The following ARL11 variants were observed in gnomAD, a reference collection of about 807,000 sequenced individuals.
ARL11 encodes ADP-ribosylation factor-like protein 11.
For synonymous variants in ARL11, 91 were observed against 111.2 expected (o/e 0.82, Z 1.15); for missense variants, 239 against 250.6 (o/e 0.95, Z 0.31).
chr13:49,630,377 T>C, intron 1 of ARL11, 53 bp from the exon 2 acceptor site: 1 of 1,294,852 alleles, frequency 7.7e-7, no homozygotes, highest in Non-Finnish European at 1.1e-6. Flanking sequence ...AGGATGGATT[T>C]GTCTTCCTTC....
Position 49,631,115 on chromosome 13 carries a change from A to G in ARL11, c.*77A>G. 11 of 1,367,640 alleles carry G rather than the reference A, an allele frequency of 8.0e-6. No homozygotes were observed. Among genetic ancestry groups the G allele is most frequent in the Non-Finnish European group, 1.1e-5 (11 of 1,010,870 alleles). The allele number at this position is 1,367,640 out of a possible 1,614,324, so 84.7% of individuals were successfully genotyped here. On this transcript the variant is annotated 3_prime_UTR_variant, in exon 2 of 2. Coordinates refer to ENST00000282026, the MANE Select transcript of ARL11 (RefSeq NM_138450.6). Reference sequence around the variant, plus strand: ...TCCTTGAGAAATTTACGCTTAGTCTATCAAACAAGAAATGCTGGCTTGGCC... The same window carrying G: ...TCCTTGAGAAATTTACGCTTAGTCTGTCAAACAAGAAATGCTGGCTTGGCC...
At chr13:49,629,421 C>T (rs1964858144) in intron 1 of ARL11, among the ~76,000 whole-genome samples, 1 of 152,104 alleles carries the variant, frequency 6.6e-6, no homozygotes, top group Non-Finnish European at 1.5e-5. Flanking sequence ...TATAAATAGC[C>T]CCAGTCAGGC....
In ARL11 at chr13:49,633,521, T is replaced by C. The variant is rs9568291; in HGVS notation, c.*2483T>C. ...ATTTTGTGGTAGTGTGGAGGTGAAATAAAGAGAAAAGGGAACCTTGGAGCT... is the reference window on the plus strand; with the variant it reads ...ATTTTGTGGTAGTGTGGAGGTGAAACAAAGAGAAAAGGGAACCTTGGAGCT... On this transcript the variant is annotated 3_prime_UTR_variant, in exon 2 of 2. Transcript: ENST00000282026. 0.03 allele frequency: 4,914 copies of C among 166,470 alleles called. 162 individuals are homozygous for C. The highest frequency in any genetic ancestry group is 0.16 in the East Asian group (826 of 5,160). The allele number at this position is 166,470 out of a possible 1,614,324, so 10.3% of individuals were successfully genotyped here. A position where few individuals can be genotyped will look rare whatever the true frequency, so the allele number is the denominator to read the frequency against.
Position 49,630,774 on chromosome 13 carries a change from C to T in ARL11, c.327C>T (p.Asp109=), listed in dbSNP as rs1964876166. The change falls in exon 2 of 2, where the codon GAC becomes GAT. Residue 109 remains aspartate (D), a synonymous_variant. Transcript: ENST00000282026. ...CTGAGCTCACAGAAGTCCTGAACGACCCCAACATGGCTGGCGTCCCCTTCT... is the reference window on the plus strand; with the variant it reads ...CTGAGCTCACAGAAGTCCTGAACGATCCCAACATGGCTGGCGTCCCCTTCT... The part of the protein sequence containing the change: ...SAAELTEVLN[D]PNMAGVPFLV... 2 of 1,613,702 alleles carry T rather than the reference C, an allele frequency of 1.2e-6. No homozygotes were observed. Among genetic ancestry groups the T allele is most frequent in the Admixed American group, 3.3e-5 (2 of 59,984 alleles).
Position 49,631,702 on chromosome 13 carries a change from T to G in ARL11, c.*664T>G, listed in dbSNP as rs1189359338. ...CTGAAAATACAAAAATTAGGCATAG[T>G]GGTGCACGCCTGCAGTCCCAGCTAC... On this transcript the variant is annotated 3_prime_UTR_variant, in exon 2 of 2. Transcript: ENST00000282026. 1.8e-5 allele frequency: 3 copies of G among 165,510 alleles called. No homozygotes were observed. In the East Asian group the frequency reaches 5.8e-4, roughly 32 times the overall value. 10.3% of individuals were successfully genotyped at this position (165,510 alleles called of 1,614,324 possible). A position where few individuals can be genotyped will look rare whatever the true frequency, so the allele number is the denominator to read the frequency against.
Position 49,631,071 on chromosome 13 carries a change from A to G in ARL11, c.*33A>G, listed in dbSNP as rs1437963655. On this transcript the variant is annotated 3_prime_UTR_variant, in exon 2 of 2. Transcript: ENST00000282026. ...AGAGCAGCATATCTTTGCTCATACA[A>G]ACTAGAAGAACCAGCTGATCCTTGA... 2 of 1,483,500 alleles carry G rather than the reference A, an allele frequency of 1.3e-6. No individual in the cohort carries two copies. Among genetic ancestry groups the G allele is most frequent in the African/African-American group, 2.8e-5 (2 of 70,580 alleles). 91.9% of individuals were successfully genotyped at this position (1,483,500 alleles called of 1,614,324 possible).
intron 1 of ARL11, 43 bp from the exon 2 acceptor site, chr13:49,630,387 C>T: frequency 7.3e-7 from 1 of 1,362,406 alleles, no homozygotes; most frequent in Non-Finnish European, 1.0e-6. Flanking sequence ...TGTCTTCCTT[C>T]AGAAGACAGT....
At chr13:49,629,712 T>C (rs1415766433) in intron 1 of ARL11, among the ~76,000 whole-genome samples, 2 of 152,234 alleles carry the variant, frequency 1.3e-5, no homozygotes, top group Non-Finnish European at 2.9e-5. Flanking sequence ...AATTACAATC[T>C]ATGATTTTGT....
At chr13:49,630,407 G>A (rs1964869256) in intron 1 of ARL11, 23 bp from the exon 2 acceptor site, 2 of 1,502,332 alleles carry the variant, frequency 1.3e-6, no homozygotes, top group Non-Finnish European at 1.8e-6. Flanking sequence ...TAGCTGATGT[G>A]TGCCCTGGCC....
Position 49,630,845 on chromosome 13 carries a change from T to C in ARL11, c.398T>C (p.Leu133Pro). The change falls in exon 2 of 2, where the codon CTT becomes CCT. Residue 133 changes from leucine to proline, a missense_variant. Leu to Pro is a moderately conservative substitution (Grantham distance 98). Coordinates refer to ENST00000282026, the MANE Select transcript of ARL11 (RefSeq NM_138450.6). The part of the protein sequence containing the change: ...KQEAPDALPL[L>P]KIRNRLSLER... ...GAGGCACCTGATGCACTTCCGCTGCTTAAGATCAGAAACAGGCTGAGTCTA... is the reference window on the plus strand; with the variant it reads ...GAGGCACCTGATGCACTTCCGCTGCCTAAGATCAGAAACAGGCTGAGTCTA... 3.1e-6 allele frequency: 5 copies of C among 1,601,940 alleles called. No individual in the cohort carries two copies. Among genetic ancestry groups the C allele is most frequent in the Non-Finnish European group, 4.3e-6 (5 of 1,171,972 alleles).
In ARL11 at chr13:49,630,723, TGAAGCCCGCTTACCC is replaced by T; in HGVS notation, c.279_293del (p.Ala94_Glu98del). ...TCGTGTACGTGCTGGACAGCACAGA[TGAAGCCCGCTTACCC>T]GAGTCGGCGGCTGAGCTCACAGAAG... is the stretch of plus-strand genomic sequence containing the variant. On this transcript the variant is annotated inframe_deletion, in exon 2 of 2. Coordinates refer to ENST00000282026, the MANE Select transcript of ARL11 (RefSeq NM_138450.6). The T allele has an allele frequency of 1.2e-6, 2 of 1,614,156 alleles. No homozygotes were observed. The highest frequency in any genetic ancestry group is 1.7e-6 in the Non-Finnish European group (2 of 1,180,028).
In ARL11 at chr13:49,630,563, A is replaced by G. The variant is rs1964871947; in HGVS notation, c.116A>G (p.Glu39Gly). Residue 39 changes from glutamate (E) to glycine (G), a missense_variant, in exon 2 of 2, where the codon GAG (glutamate) becomes GGG (glycine). Coordinates refer to ENST00000282026, the MANE Select transcript of ARL11 (RefSeq NM_138450.6). Reference sequence around the variant, plus strand: ...AAGCTGAAGGGCCACCAGCTGGTGGAGACCCTGCCCACTGTTGGTTTCAAC... The same window carrying G: ...AAGCTGAAGGGCCACCAGCTGGTGGGGACCCTGCCCACTGTTGGTTTCAAC... ...LYKLKGHQLV[E>G]TLPTVGFNVE... is the part of the protein sequence containing the mutation. 4 of 1,614,014 alleles carry G rather than the reference A, an allele frequency of 2.5e-6. No individual in the cohort carries two copies. Among genetic ancestry groups the G allele is most frequent in the Non-Finnish European group, 3.4e-6 (4 of 1,180,014 alleles).
Position 49,630,488 on chromosome 13 carries a change from A to G in ARL11, c.41A>G (p.Gln14Arg), listed in dbSNP as rs751603349. The change falls in exon 2 of 2, where the codon CAG becomes CGG. Residue 14 changes from glutamine to arginine, a missense_variant. Coordinates refer to ENST00000282026, the MANE Select transcript of ARL11 (RefSeq NM_138450.6). ...TCCAGAGGTCACAAGGCGGAAGCCC[A>G]GGTGGTGATGATGGGCCTGGACTCG... ...VNSRGHKAEA[Q>R]VVMMGLDSAG... 85 of 1,613,744 alleles carry G rather than the reference A, an allele frequency of 5.3e-5. 1 individual carries two copies. In the East Asian group the frequency reaches 1.9e-3, roughly 36 times the overall value.
In ARL11 at chr13:49,633,838, A is replaced by G. The variant is rs369330204; in HGVS notation, c.*2800A>G. 4 of 167,188 alleles carry G rather than the reference A, an allele frequency of 2.4e-5. No homozygotes were observed. The East Asian group carries it at 7.7e-4, about 32-fold the overall frequency. 10.4% of individuals were successfully genotyped at this position (167,188 alleles called of 1,614,324 possible). On this transcript the variant is annotated 3_prime_UTR_variant, in exon 2 of 2. Coordinates refer to ENST00000282026, the MANE Select transcript of ARL11 (RefSeq NM_138450.6). ...GATTGTTCCATTATCTGTACTCCCAACAACCCTGCCGGATATATTTGTTGG... is the reference window on the plus strand; with the variant it reads ...GATTGTTCCATTATCTGTACTCCCAGCAACCCTGCCGGATATATTTGTTGG...
Position 49,630,728 on chromosome 13 carries a change from C to G in ARL11, c.281C>G (p.Ala94Gly), listed in dbSNP as rs781514079. 9 of 1,614,154 alleles carry G rather than the reference C, an allele frequency of 5.6e-6. No homozygotes were observed. Among genetic ancestry groups the G allele is most frequent in the Middle Eastern group, 1.6e-4 (1 of 6,062 alleles). The part of the protein sequence containing the change: ...LVYVLDSTDE[A>G]RLPESAAELT... ...TACGTGCTGGACAGCACAGATGAAG[C>G]CCGCTTACCCGAGTCGGCGGCTGAG... is the stretch of plus-strand genomic sequence containing the variant. Residue 94 changes from alanine (A) to glycine (G), a missense_variant, in exon 2 of 2, where the codon GCC becomes GGC. Ala to Gly is a moderately conservative substitution (Grantham distance 60). Coordinates refer to ENST00000282026, the MANE Select transcript of ARL11 (RefSeq NM_138450.6).
chr13:49,633,843 C>A lies in ARL11; in HGVS notation c.*2805C>A, dbSNP rs1365107313. 6.0e-6 allele frequency: 1 copy of A among 167,030 alleles called. No homozygotes were observed. Among genetic ancestry groups the A allele is most frequent in the Non-Finnish European group, 1.5e-5 (1 of 68,108 alleles). The allele number at this position is 167,030 out of a possible 1,614,324, so 10.3% of individuals were successfully genotyped here. A position where few individuals can be genotyped will look rare whatever the true frequency, so the allele number is the denominator to read the frequency against. ...TTCCATTATCTGTACTCCCAACAAC[C>A]CTGCCGGATATATTTGTTGGCTTTC... is the stretch of plus-strand genomic sequence containing the variant. On this transcript the variant is annotated 3_prime_UTR_variant, in exon 2 of 2. Coordinates refer to ENST00000282026, the MANE Select transcript of ARL11 (RefSeq NM_138450.6).
chr13:49,629,089 A>G (rs1218580556), intron 1 of ARL11, among the ~76,000 whole-genome samples: 1 of 152,134 alleles, frequency 6.6e-6, no homozygotes, highest in South Asian at 2.1e-4. Flanking sequence ...TGGGTGACAC[A>G]GTGAGACCCT....
Position 49,631,081 on chromosome 13 carries a change from AC to A in ARL11, c.*45del, listed in dbSNP as rs1964882076. The A allele has an allele frequency of 8.8e-6, 13 of 1,471,582 alleles. No individual in the cohort carries two copies. Among genetic ancestry groups the A allele is most frequent in the Non-Finnish European group, 1.2e-5 (13 of 1,095,896 alleles). 91.2% of individuals were successfully genotyped at this position (1,471,582 alleles called of 1,614,324 possible). On this transcript the variant is annotated 3_prime_UTR_variant, in exon 2 of 2. Transcript: ENST00000282026. Reference sequence around the variant, plus strand: ...ATCTTTGCTCATACAAACTAGAAGAACCAGCTGATCCTTGAGAAATTTACGC... The same window carrying A: ...ATCTTTGCTCATACAAACTAGAAGAACAGCTGATCCTTGAGAAATTTACGC...
In ARL11 at chr13:49,633,360, G is replaced by C. The variant is rs1380249675; in HGVS notation, c.*2322G>C. On this transcript the variant is annotated 3_prime_UTR_variant, in exon 2 of 2. Coordinates refer to ENST00000282026, the MANE Select transcript of ARL11 (RefSeq NM_138450.6). ...AACAGAGGCTTGGGATGAAGGGTGGGTGAAGTTGACATCACGATAGAAAAC... is the reference window on the plus strand; with the variant it reads ...AACAGAGGCTTGGGATGAAGGGTGGCTGAAGTTGACATCACGATAGAAAAC... 6.0e-6 allele frequency: 1 copy of C among 167,074 alleles called. No homozygotes were observed. Among genetic ancestry groups the C allele is most frequent in the Admixed American group, 6.5e-5 (1 of 15,276 alleles). The allele number at this position is 167,074 out of a possible 1,614,324, so 10.3% of individuals were successfully genotyped here.
Sources: gnomAD v4.1 joint callset for allele counts (sites outside exome capture counted in the v4.1 genomes callset) on GRCh38, gnomAD v4.1.1 for gene constraint, MANE v1.5 for transcripts, NCBI Gene and HGNC (gene_info 2026-07-23, HGNC 2026-07-21) for gene names.